Variants in GABRB3 observed in about 807,000 individuals in gnomAD.
GABRB3 encodes gamma-aminobutyric acid receptor subunit beta-3.
In GABRB3, 14 loss-of-function variants were observed where a neutral mutation model predicts 52.1. The observed-to-expected ratio is 0.27, with a 90% confidence interval of 0.18 to 0.42. The LOEUF is 0.42. Ranked by LOEUF, GABRB3 falls within the 10% of genes least tolerant of loss-of-function variation. GABRB3 has a pLI of 1.00. For synonymous variants in GABRB3, 260 were observed against 232.3 expected (o/e 1.12, Z -1.08); for missense variants, 307 against 609.1 (o/e 0.50, Z 5.22).
At chr15:26,646,567 GGTATATACCTAGAA>G (rs1234272716) in intron 3 of GABRB3, among the ~76,000 whole-genome samples, 1 of 151,756 alleles carries the variant, frequency 6.6e-6, no homozygotes, top group African/African-American at 2.4e-5. Context: ...ATTCTGCTTG[GGTATATACCTAGAA>G]GTGGAATTTC....
Position 26,548,151 on chromosome 15 carries a change from T to C in GABRB3, c.1081-17A>G, listed in dbSNP as rs963453392. 4.4e-6 allele frequency: 7 copies of C among 1,599,384 alleles called. No homozygotes were observed. The African/African-American group carries it at 8.0e-5, about 18-fold the overall frequency. On this transcript the variant is annotated splice_polypyrimidine_tract_variant and intron_variant, in intron 8 of 8. Transcript: ENST00000311550. ...AGCATCCACCTAATTGGACGGAAAATGCACATGGTTAGACAGCCAGCAGCA... is the reference window on the plus strand; with the variant it reads ...AGCATCCACCTAATTGGACGGAAAACGCACATGGTTAGACAGCCAGCAGCA...
intron 4 of GABRB3, among the ~76,000 whole-genome samples, chr15:26,606,389 C>T (rs1374968365): frequency 1.3e-5 from 2 of 151,890 alleles, no homozygotes; most frequent in Non-Finnish European, 2.9e-5. Context: ...ATGCCGGGAC[C>T]AAAATATCTC....
chr15:26,738,610 C>A (rs545711091), intron 3 of GABRB3, among the ~76,000 whole-genome samples: 1 of 152,122 alleles, frequency 6.6e-6, no homozygotes, highest in Non-Finnish European at 1.5e-5. Flanking sequence ...CTGACTCTCA[C>A]GGCGCCCTTG....
chr15:26,740,496 C>CA (rs1251034544), intron 3 of GABRB3, among the ~76,000 whole-genome samples: 1 of 152,086 alleles, frequency 6.6e-6, no homozygotes, highest in East Asian at 2.0e-4. Flanking sequence ...GCTGAAGGAG[C>CA]ACCTGCATCT....
intron 3 of GABRB3, among the ~76,000 whole-genome samples, chr15:26,735,892 C>G (rs1890051727): frequency 6.6e-6 from 1 of 150,750 alleles, no homozygotes; most frequent in Admixed American, 6.6e-5. Flanking sequence ...GAGGTTGAGG[C>G]TGCAGTGAGC....
chr15:26,587,734 A>T (rs2140749766), intron 4 of GABRB3, among the ~76,000 whole-genome samples: 1 of 152,332 alleles, frequency 6.6e-6, no homozygotes, highest in Non-Finnish European at 1.5e-5. Context: ...ACGGAGATCA[A>T]CCAAGGGCAG....
intron 3 of GABRB3, among the ~76,000 whole-genome samples, chr15:26,713,950 G>T (rs1212257019): frequency 6.6e-6 from 1 of 152,182 alleles, no homozygotes; most frequent in Non-Finnish European, 1.5e-5. Context: ...AGTGTCCAAA[G>T]TGCCTTCCCC....
intron 4 of GABRB3, among the ~76,000 whole-genome samples, chr15:26,601,181 TG>T (rs1200803635): frequency 2.6e-5 from 4 of 152,278 alleles, no homozygotes; most frequent in Middle Eastern, 3.4e-3. Context: ...CCCAGCACTT[TG>T]GGAGGCCGAG....
At chr15:26,738,244 G>A (rs1013293217) in intron 3 of GABRB3, among the ~76,000 whole-genome samples, 4 of 151,998 alleles carry the variant, frequency 2.6e-5, no homozygotes, top group African/African-American at 9.7e-5. Context: ...CACCATGCCT[G>A]GCTAATATTT....
chr15:26,671,593 T>G (rs867115666), intron 3 of GABRB3, among the ~76,000 whole-genome samples: 1 of 152,224 alleles, frequency 6.6e-6, no homozygotes, highest in African/African-American at 2.4e-5. Flanking sequence ...TTATAAATGC[T>G]GGGGGTGCTT....
intron 6 of GABRB3, among the ~76,000 whole-genome samples, chr15:26,578,812 C>A (rs1295240816): frequency 6.6e-6 from 1 of 152,212 alleles, no homozygotes; most frequent in Non-Finnish European, 1.5e-5. Flanking sequence ...CACTTTGAAA[C>A]CCAGTTTTAG....
At chr15:26,553,000 A>C (rs551591818) in intron 8 of GABRB3, among the ~76,000 whole-genome samples, 2 of 152,320 alleles carry the variant, frequency 1.3e-5, no homozygotes, top group South Asian at 4.1e-4. Flanking sequence ...TGATAAATTG[A>C]GGTCATTTAT....
chr15:26,561,121 C>T lies in GABRB3; in HGVS notation c.891G>A (p.Leu297=). Residue 297 remains leucine, a synonymous_variant, in exon 8 of 9, where the codon TTG becomes TTA. Transcript: ENST00000311550. The stretch of plus-strand genomic sequence containing the variant: ...TGGCTTTGACATAGGGGATTTTGGG[C>T]AAGGTCTCCCGAAGGTGGGTGTTGA... The part of the protein sequence containing the change: ...TTINTHLRET[L]PKIPYVKAID... 1 of 1,614,152 alleles carries T rather than the reference C, an allele frequency of 6.2e-7. No homozygotes were observed.
At chr15:26,582,740 T>C (rs911722853) in intron 5 of GABRB3, among the ~76,000 whole-genome samples, 1 of 152,202 alleles carries the variant, frequency 6.6e-6, no homozygotes, top group Non-Finnish European at 1.5e-5. Flanking sequence ...TTGAGACTAG[T>C]TATAAACCAG....
intron 3 of GABRB3, among the ~76,000 whole-genome samples, chr15:26,685,313 CT>C (rs1432906063): frequency 2.0e-5 from 3 of 152,204 alleles, no homozygotes; most frequent in Non-Finnish European, 4.4e-5. Context: ...GCTGAGGAAT[CT>C]TGCAGCACAG....
intron 8 of GABRB3, among the ~76,000 whole-genome samples, chr15:26,555,505 T>C (rs1889720240): frequency 6.6e-6 from 1 of 152,194 alleles, no homozygotes; most frequent in Non-Finnish European, 1.5e-5. Flanking sequence ...CGTGGGTCTC[T>C]AAGGCTGTGC....
chr15:26,722,200 G>A (rs1045782457), intron 3 of GABRB3, among the ~76,000 whole-genome samples: 2 of 152,150 alleles, frequency 1.3e-5, no homozygotes, highest in African/African-American at 4.8e-5. Context: ...GAGAGCTTCA[G>A]TTGGGCTGGG....
At chr15:26,763,500 T>G (rs2140186203) in intron 3 of GABRB3, among the ~76,000 whole-genome samples, 1 of 152,226 alleles carries the variant, frequency 6.6e-6, no homozygotes, top group Non-Finnish European at 1.5e-5. Context: ...TGGATTTATC[T>G]CTCACATAGA....
At chr15:26,616,454 C>CACA (rs1892260518) in intron 4 of GABRB3, among the ~76,000 whole-genome samples, 1 of 151,942 alleles carries the variant, frequency 6.6e-6, no homozygotes, top group South Asian at 2.1e-4. Context: ...GTAAGTTTAG[C>CACA]TGCTAAACAC....
Sources: gnomAD v4.1 joint callset for allele counts (sites outside exome capture counted in the v4.1 genomes callset) on GRCh38, gnomAD v4.1.1 for gene constraint, MANE v1.5 for transcripts, NCBI Gene and HGNC (gene_info 2026-07-23, HGNC 2026-07-21) for gene names.